The following DNAH11 variants were observed in gnomAD, a reference collection of about 807,000 sequenced individuals.
DNAH11 encodes axonemal beta dynein heavy chain 11.
In DNAH11, 442 loss-of-function variants were observed where a neutral mutation model predicts 526.0. The ratio of observed to expected loss-of-function variants is 0.84; its 90% CI spans 0.78 to 0.91. The LOEUF is 0.91. Among genes scored for constraint, DNAH11 ranks in the 40% least tolerant of loss-of-function variants. The probability of loss-of-function intolerance (pLI) is 0.00; values close to 1 mark genes in which losing one functional copy is unlikely to be tolerated. For synonymous variants in DNAH11, 2,461 were observed against 1,935.9 expected (o/e 1.27, Z -7.12); for missense variants, 6,989 against 5,448.7 (o/e 1.28, Z -8.90).
At chr7:21,622,158 A>G (rs1406216748) in intron 25 of DNAH11, among the ~76,000 whole-genome samples, 1 of 152,164 alleles carries the variant, frequency 6.6e-6, no homozygotes, top group African/African-American at 2.4e-5. Flanking sequence ...AATCACAAGC[A>G]TTCTTATACA....
At chr7:21,720,963 A>G (rs1054477923) in intron 44 of DNAH11, 107 bp downstream of exon 44, 28 of 1,366,188 alleles carry the variant, frequency 2.0e-5, no homozygotes, top group Non-Finnish European at 2.5e-5. Flanking sequence ...TTATAGATCT[A>G]TACTGCTTGC....
At position 21,646,137 on chromosome 7, in the gene DNAH11, C is replaced by CA. The variant is rs921150157; in HGVS notation, c.4944+7080dup. On this transcript the variant is annotated intron_variant, in intron 28 of 81. Transcript: ENST00000409508. ...AAAAGTGGGCAGAATACTTAGTTCACAAAAAAAAGATGGAATGGCTAGTAA... is the reference window on the plus strand; with the variant it reads ...AAAAGTGGGCAGAATACTTAGTTCACAAAAAAAAAGATGGAATGGCTAGTAA... 2.1e-4 allele frequency among the ~76,000 whole-genome samples: 32 copies of CA among 151,326 alleles called. 1 individual carries two copies. Among genetic ancestry groups the CA allele is most frequent in the Admixed American group, 1.3e-3 (20 of 15,206 alleles).
intron 71 of DNAH11, among the ~76,000 whole-genome samples, 158 bp downstream of exon 71, chr7:21,866,821 T>C (rs1429320163): frequency 2.0e-5 from 3 of 152,146 alleles, no homozygotes; most frequent in African/African-American, 7.2e-5. Flanking sequence ...CTGTTAAAAT[T>C]TGCTAAACAC....
At chr7:21,690,722 T>A in intron 34 of DNAH11, 43 bp from the exon 35 acceptor site, 1 of 1,448,406 alleles carries the variant, frequency 6.9e-7, no homozygotes. Flanking sequence ...GCATTCATAT[T>A]CAATGAACAC....
chr7:21,653,207 G>C (rs1428870536), intron 28 of DNAH11, among the ~76,000 whole-genome samples: 1 of 152,122 alleles, frequency 6.6e-6, no homozygotes, highest in Non-Finnish European at 1.5e-5. Flanking sequence ...AAAATGAAAG[G>C]CCTTTCCGAA....
Position 21,570,275 on chromosome 7 carries a change from T to C in DNAH11, c.1401T>C (p.Phe467=). 1 of 1,606,574 alleles carries C rather than the reference T, an allele frequency of 6.2e-7. No individual in the cohort carries two copies. Residue 467 remains phenylalanine (F), a synonymous_variant, in exon 7 of 82, where the codon TTT becomes TTC. Transcript: ENST00000409508. ...SHLVFCRFDK[F]LDRLIKIEDI... ...TGGTGTTTTGCAGATTTGACAAGTT[T>C]CTTGATCGTTTAATAAAAATAGAGG...
At chr7:21,792,035 T>C (rs1199656056) in intron 61 of DNAH11, among the ~76,000 whole-genome samples, 2 of 152,140 alleles carry the variant, frequency 1.3e-5, no homozygotes, top group Non-Finnish European at 2.9e-5. Context: ...TCAGGCATCT[T>C]ACATGGCAGA....
chr7:21,790,052 T>G (rs1788408807), intron 61 of DNAH11, among the ~76,000 whole-genome samples: 1 of 151,718 alleles, frequency 6.6e-6, no homozygotes, highest in African/African-American at 2.4e-5. Context: ...TAGCTATTTT[T>G]CCTGAATAGT....
At chr7:21,584,172 C>G (rs1359445489) in intron 9 of DNAH11, among the ~76,000 whole-genome samples, 4 of 152,168 alleles carry the variant, frequency 2.6e-5, no homozygotes, top group African/African-American at 9.7e-5. Context: ...AGACTTGGAA[C>G]CAACCCAAAT....
chr7:21,696,733 A>G (rs1199382423), intron 35 of DNAH11, among the ~76,000 whole-genome samples: 1 of 151,848 alleles, frequency 6.6e-6, no homozygotes, highest in Non-Finnish European at 1.5e-5. Flanking sequence ...CTCACCAACC[A>G]TGAGGCCTAC....
chr7:21,789,763 C>CTCTTTCTTTCTT (rs1554281334), intron 61 of DNAH11, among the ~76,000 whole-genome samples: 1,417 of 72,918 alleles, frequency 0.019, 102 homozygotes, highest in Admixed American at 0.028. Flanking sequence ...ATTTCTTTCT[C>CTCTTTCTTTCTT]TCTTTCTTTC....
Position 21,738,828 on chromosome 7 carries a change from T to G in DNAH11, c.7773T>G (p.Pro2591=), listed in dbSNP as rs777793494. ...TGGACTTATATGGCACCGTTCAGCC[T>G]CACACCCTGATCCGGCAGCATATTG... ...PEVDLYGTVQ[P]HTLIRQHIDY... Residue 2591 remains proline, a synonymous_variant, in exon 47 of 82, where the codon CCT becomes CCG. Coordinates refer to ENST00000409508, the MANE Select transcript of DNAH11 (RefSeq NM_001277115.2). The G allele has an allele frequency of 1.2e-6, 2 of 1,606,476 alleles. No homozygotes were observed. The highest frequency in any genetic ancestry group is 2.3e-5 in the South Asian group (2 of 88,820).
At chr7:21,845,311 A>G (rs1462611852) in intron 66 of DNAH11, among the ~76,000 whole-genome samples, 1 of 152,040 alleles carries the variant, frequency 6.6e-6, no homozygotes, top group African/African-American at 2.4e-5. Context: ...GTGAAGATTT[A>G]TGTTTTCTCT....
chr7:21,838,887 C>T (rs539694696), intron 65 of DNAH11, among the ~76,000 whole-genome samples: 2 of 152,230 alleles, frequency 1.3e-5, no homozygotes, highest in East Asian at 1.9e-4. Context: ...TGTGCCACCA[C>T]ACCATGCTAA....
intron 25 of DNAH11, among the ~76,000 whole-genome samples, chr7:21,620,819 G>T (rs1268643048): frequency 1.4e-5 from 2 of 147,870 alleles, no homozygotes; most frequent in Non-Finnish European, 3.0e-5. Flanking sequence ...GCGGTGTTTG[G>T]TTTTTTGTTC....
At chr7:21,548,926 G>C (rs1466223660) in intron 2 of DNAH11, among the ~76,000 whole-genome samples, 3 of 151,196 alleles carry the variant, frequency 2.0e-5, no homozygotes, top group Non-Finnish European at 4.4e-5. Context: ...TTATTGCCCA[G>C]GCTGGAGTGC....
At chr7:21,684,380 C>T (rs1783281164) in intron 32 of DNAH11, among the ~76,000 whole-genome samples, 1 of 152,190 alleles carries the variant, frequency 6.6e-6, no homozygotes. Context: ...CTGCTAAGTA[C>T]TATTCCACTG....
intron 79 of DNAH11, among the ~76,000 whole-genome samples, chr7:21,898,025 A>C (rs1784588397): frequency 6.6e-6 from 1 of 152,006 alleles, no homozygotes. Flanking sequence ...TCATTTCTAT[A>C]ATTTTATTTT....
chr7:21,825,024 A>G (rs982784374), intron 65 of DNAH11, among the ~76,000 whole-genome samples: 7 of 152,026 alleles, frequency 4.6e-5, no homozygotes, highest in African/African-American at 1.7e-4. Flanking sequence ...GGCGCCTGCC[A>G]CCAGGCCTGG....
Sources: gnomAD v4.1 joint callset for allele counts (sites outside exome capture counted in the v4.1 genomes callset) on GRCh38, gnomAD v4.1.1 for gene constraint, MANE v1.5 for transcripts, NCBI Gene and HGNC (gene_info 2026-07-23, HGNC 2026-07-21) for gene names.